Variants in CMTM8 observed in about 807,000 individuals in gnomAD.
The protein encoded by CMTM8 is CKLF like MARVEL transmembrane domain containing 8, also known as CKLF-like MARVEL transmembrane domain-containing protein 8.
In CMTM8, 12 loss-of-function variants were observed where a neutral mutation model predicts 18.6. The observed-to-expected ratio is 0.65, with a 90% CI of 0.41 to 1.05. The LOEUF is 1.05. Among genes scored for constraint, CMTM8 ranks in the 50% least tolerant of loss-of-function variants. The probability of loss-of-function intolerance (pLI) is 0.00; values close to 1 mark genes in which losing one functional copy is unlikely to be tolerated. For synonymous variants in CMTM8, 87 were observed against 90.6 expected (o/e 0.96, Z 0.23); for missense variants, 217 against 227.2 (o/e 0.95, Z 0.29).
chr3:32,286,401 T>C (rs765402794), intron 1 of CMTM8, among the ~76,000 whole-genome samples: 19 of 152,190 alleles, frequency 1.2e-4, no homozygotes, highest in Non-Finnish European at 2.6e-4. Context: ...ACTGTCACTT[T>C]TGGCAAGCTC....
intron 1 of CMTM8, among the ~76,000 whole-genome samples, chr3:32,290,221 T>C (rs1296113197): frequency 6.6e-6 from 1 of 152,236 alleles, no homozygotes; most frequent in Non-Finnish European, 1.5e-5. Flanking sequence ...GATTGCTTAA[T>C]ATAAGTCATA....
At chr3:32,327,759 C>T (rs1191255141) in intron 1 of CMTM8, among the ~76,000 whole-genome samples, 1 of 152,202 alleles carries the variant, frequency 6.6e-6, no homozygotes, top group Non-Finnish European at 1.5e-5. Context: ...GGAGAAACTG[C>T]CTGCACCCTC....
chr3:32,305,610 A>C (rs1333703493), intron 1 of CMTM8, among the ~76,000 whole-genome samples: 2 of 152,196 alleles, frequency 1.3e-5, no homozygotes. Context: ...TAATGATCTG[A>C]GAGGAGATGG....
At chr3:32,240,499 T>G (rs555932526) in intron 1 of CMTM8, among the ~76,000 whole-genome samples, 1 of 152,348 alleles carries the variant, frequency 6.6e-6, no homozygotes, top group Non-Finnish European at 1.5e-5. Context: ...ATGGGCCTTC[T>G]ACCTTGGGGT....
intron 1 of CMTM8, 27 bp downstream of exon 1, chr3:32,239,146 G>A (rs760307403): frequency 6.4e-7 from 1 of 1,574,224 alleles, no homozygotes; most frequent in East Asian, 2.4e-5. Flanking sequence ...CGGGGGTGGC[G>A]GGGGGCTCAG....
chr3:32,338,378 T>C (rs7637865), intron 1 of CMTM8, among the ~76,000 whole-genome samples: 64,063 of 151,960 alleles, frequency 0.42, 14,209 homozygotes, highest in African/African-American at 0.57. Flanking sequence ...ACACCTCCCA[T>C]TCCTTTCTTT....
chr3:32,315,889 T>C (rs1695918339), intron 1 of CMTM8, among the ~76,000 whole-genome samples: 1 of 152,208 alleles, frequency 6.6e-6, no homozygotes, highest in African/African-American at 2.4e-5. Context: ...ATTCCCTCTC[T>C]TTTTAATGAA....
At chr3:32,280,603 A>G (rs1173064879) in intron 1 of CMTM8, among the ~76,000 whole-genome samples, 1 of 152,084 alleles carries the variant, frequency 6.6e-6, no homozygotes, top group Non-Finnish European at 1.5e-5. Context: ...GCCCACTCCC[A>G]TACTGTGGAG....
At chr3:32,240,570 T>C (rs965075036) in intron 1 of CMTM8, among the ~76,000 whole-genome samples, 2 of 152,190 alleles carry the variant, frequency 1.3e-5, no homozygotes, top group Admixed American at 1.3e-4. Flanking sequence ...ATTATCGATA[T>C]GCTCTGTGTA....
chr3:32,295,488 A>AC (rs1702863082), intron 1 of CMTM8, among the ~76,000 whole-genome samples: 1 of 143,122 alleles, frequency 7.0e-6, no homozygotes, highest in African/African-American at 2.6e-5. Flanking sequence ...ACAAAACAAA[A>AC]CAGCGGAAAG....
At chr3:32,321,963 C>T (rs996706965) in intron 1 of CMTM8, among the ~76,000 whole-genome samples, 5 of 152,234 alleles carry the variant, frequency 3.3e-5, no homozygotes, top group Admixed American at 6.5e-5. Flanking sequence ...TGGCCACTTT[C>T]GGGCCTCAAC....
chr3:32,275,986 C>G (rs1702511312), intron 1 of CMTM8, among the ~76,000 whole-genome samples: 1 of 152,064 alleles, frequency 6.6e-6, no homozygotes, highest in African/African-American at 2.4e-5. Context: ...ATTCTCTTGC[C>G]CTTTTCTGCC....
chr3:32,307,748 C>G (rs1402525064), intron 1 of CMTM8, among the ~76,000 whole-genome samples: 1 of 152,152 alleles, frequency 6.6e-6, no homozygotes, highest in African/African-American at 2.4e-5. Context: ...TAAATCGGAG[C>G]TCCCCAGGCC....
intron 1 of CMTM8, among the ~76,000 whole-genome samples, chr3:32,296,127 A>G (rs1702874868): frequency 6.6e-6 from 1 of 151,242 alleles, no homozygotes; most frequent in African/African-American, 2.4e-5. Context: ...TCTTTGCTTC[A>G]GCCTTTTATT....
chr3:32,356,440 A>G (rs754432755), intron 1 of CMTM8, among the ~76,000 whole-genome samples: 1 of 152,210 alleles, frequency 6.6e-6, no homozygotes, highest in Non-Finnish European at 1.5e-5. Context: ...AGACACCTAC[A>G]GTTTAGGTCA....
chr3:32,320,391 G>T (rs1439571077), intron 1 of CMTM8, among the ~76,000 whole-genome samples: 1 of 152,144 alleles, frequency 6.6e-6, no homozygotes, highest in Non-Finnish European at 1.5e-5. Flanking sequence ...GCCACATCTC[G>T]CATGATTCCA....
At position 32,295,812 on chromosome 3, in the gene CMTM8, G is replaced by A. The variant is rs375662186; in HGVS notation, c.147+56693G>A. ...TGGACTGCAAGGCCCTGTGTGATCC[G>A]GGGCCTGCCTTTCTATCTGGCTTTG... is the stretch of plus-strand genomic sequence containing the variant. On this transcript the variant is annotated intron_variant, in intron 1 of 3. Coordinates refer to ENST00000307526, the MANE Select transcript of CMTM8 (RefSeq NM_178868.5). Among the ~76,000 whole-genome samples, 20 of 152,190 alleles carry A rather than the reference G, an allele frequency of 1.3e-4. 1 individual carries two copies. In the East Asian group the frequency reaches 2.3e-3, roughly 18 times the overall value.
intron 1 of CMTM8, among the ~76,000 whole-genome samples, chr3:32,264,905 A>G (rs184204044): frequency 4.4e-4 from 67 of 152,352 alleles, no homozygotes; most frequent in Middle Eastern, 3.4e-3. Flanking sequence ...AGAGCTGACT[A>G]TCCTAAATAT....
In CMTM8 at chr3:32,298,951, A is replaced by G. The variant is rs1327643967; in HGVS notation, c.148-58422A>G. 3.0e-5 allele frequency among the ~76,000 whole-genome samples: 4 copies of G among 133,690 alleles called. No homozygotes were observed. The Admixed American group carries it at 3.0e-4, about 10-fold the overall frequency. The allele number at this position is 133,690 out of a possible 152,430, so 87.7% of individuals were successfully genotyped here. A position where few individuals can be genotyped will look rare whatever the true frequency, so the allele number is the denominator to read the frequency against. ...TATATATATATATATGTATATATAT[A>G]TATATTTTTTTTTTTTTAGAGACAG... On this transcript the variant is annotated intron_variant, in intron 1 of 3. Coordinates refer to ENST00000307526, the MANE Select transcript of CMTM8 (RefSeq NM_178868.5).
Sources: gnomAD v4.1 joint callset for allele counts (sites outside exome capture counted in the v4.1 genomes callset) on GRCh38, gnomAD v4.1.1 for gene constraint, MANE v1.5 for transcripts, NCBI Gene and HGNC (gene_info 2026-07-23, HGNC 2026-07-21) for gene names.